The following CPVL variants were observed in gnomAD, a reference collection of about 807,000 sequenced individuals.
CPVL encodes probable serine carboxypeptidase CPVL.
A neutral mutation model predicts 63.7 loss-of-function variants in CPVL; 51 were observed. That is an observed-to-expected ratio of 0.80 (90% confidence interval 0.64 to 1.01). The LOEUF is 1.01. CPVL is among the 50% of genes least tolerant of loss of function. The pLI, the probability that CPVL is intolerant of heterozygous loss-of-function variation, is 0.00. For synonymous variants in CPVL, 195 were observed against 206.0 expected (o/e 0.95, Z 0.46); for missense variants, 530 against 573.1 (o/e 0.92, Z 0.77).
At chr7:29,106,680 A>G (rs566064788) in intron 3 of CPVL, among the ~76,000 whole-genome samples, 1 of 152,300 alleles carries the variant, frequency 6.6e-6, no homozygotes, top group East Asian at 1.9e-4. Flanking sequence ...GAGGCAAAAA[A>G]AAACAAAAAT....
At chr7:28,996,491 G>A (rs2128119908) in intron 12 of CPVL, among the ~76,000 whole-genome samples, 1 of 147,508 alleles carries the variant, frequency 6.8e-6, no homozygotes, top group East Asian at 2.0e-4. Flanking sequence ...CACATGCACT[G>A]CACTCCAGCC....
intron 5 of CPVL, among the ~76,000 whole-genome samples, chr7:29,175,423 G>T (rs184482212): frequency 6.6e-6 from 1 of 152,122 alleles, no homozygotes; most frequent in Admixed American, 6.5e-5. Context: ...TTTTCTGCCC[G>T]CCTCGGCCTC....
intron 7 of CPVL, among the ~76,000 whole-genome samples, chr7:29,081,115 G>A (rs1211701820): frequency 6.6e-6 from 1 of 152,212 alleles, no homozygotes; most frequent in Non-Finnish European, 1.5e-5. Context: ...CGTGAGGGCT[G>A]TTTTGCTTTA....
chr7:29,100,371 G>A (rs1043798024), intron 3 of CPVL, among the ~76,000 whole-genome samples: 1 of 152,164 alleles, frequency 6.6e-6, no homozygotes, highest in African/African-American at 2.4e-5. Context: ...TGGTCTGTGG[G>A]GAGGAGGCCT....
Position 28,996,455 on chromosome 7 carries a change from G to A in CPVL, c.1321-573C>T, listed in dbSNP as rs190162519. 4.1e-4 allele frequency among the ~76,000 whole-genome samples: 62 copies of A among 151,242 alleles called. No homozygotes were observed. The East Asian group carries it at 0.012, about 29-fold the overall frequency. The stretch of plus-strand genomic sequence containing the variant: ...GAAGATGACCTGAACCCAGGAGTTG[G>A]AGTCTGCAGTGAGCTAGGATCATGC... On this transcript the variant is annotated intron_variant, in intron 12 of 12. Transcript: ENST00000265394.
chr7:29,115,379 A>G (rs185153155), intron 2 of CPVL, among the ~76,000 whole-genome samples: 1 of 152,276 alleles, frequency 6.6e-6, no homozygotes, highest in Non-Finnish European at 1.5e-5. Context: ...CCATCAGAAA[A>G]AAAGCCAGAG....
chr7:29,001,138 A>G (rs1289360437), intron 12 of CPVL: 7 of 152,178 alleles, frequency 4.6e-5, no homozygotes, highest in Non-Finnish European at 8.8e-5. Context: ...AAAATCAGTG[A>G]TTAATCCGAT....
At chr7:29,015,092 T>TAA (rs1286799502) in intron 12 of CPVL, among the ~76,000 whole-genome samples, 1 of 152,248 alleles carries the variant, frequency 6.6e-6, no homozygotes, top group Non-Finnish European at 1.5e-5. Flanking sequence ...AAAGTTAATG[T>TAA]GAGTTTTAGA....
intron 10 of CPVL, 74 bp from the exon 11 acceptor site, chr7:29,064,308 A>G: frequency 1.1e-6 from 1 of 871,650 alleles, no homozygotes. Flanking sequence ...AAAAGCTGTG[A>G]ATTTCTCATA....
upstream of CPVL, among the ~76,000 whole-genome samples, chr7:29,150,366 G>T (rs551552995): frequency 6.6e-6 from 1 of 152,160 alleles, no homozygotes; most frequent in African/African-American, 2.4e-5. Flanking sequence ...TCAAAAAATG[G>T]CAGCTGTAAC....
chr7:29,095,807 C>A (rs1786347775), intron 4 of CPVL, among the ~76,000 whole-genome samples: 2 of 152,102 alleles, frequency 1.3e-5, no homozygotes, highest in African/African-American at 4.8e-5. Context: ...AGAGCTGTCC[C>A]AAATAGTAAT....
intron 12 of CPVL, chr7:29,011,611 T>A (rs1316704947): frequency 6.6e-6 from 1 of 152,160 alleles, no homozygotes; most frequent in Non-Finnish European, 1.5e-5. Context: ...AGAGTGCATA[T>A]GCATCCACAC....
chr7:29,163,670 C>T (rs1795505869), intron 5 of CPVL, among the ~76,000 whole-genome samples: 1 of 152,166 alleles, frequency 6.6e-6, no homozygotes, highest in South Asian at 2.1e-4. Context: ...AACAAACATT[C>T]TCATTGCCCC....
At chr7:29,158,528 G>A (rs1794741127) in intron 5 of CPVL, among the ~76,000 whole-genome samples, 1 of 36,714 alleles carries the variant, frequency 2.7e-5, no homozygotes, top group African/African-American at 1.0e-4. Context: ...TAGTCTTTAT[G>A]TGATAATATT....
intron 1 of CPVL, among the ~76,000 whole-genome samples, chr7:29,135,944 G>A (rs1352820724): frequency 6.6e-6 from 1 of 151,856 alleles, no homozygotes; most frequent in Non-Finnish European, 1.5e-5. Context: ...TTGTTTGTTT[G>A]TTTCTCATAT....
intron 2 of CPVL, among the ~76,000 whole-genome samples, chr7:29,115,319 C>A (rs1352687415): frequency 4.6e-5 from 7 of 152,148 alleles, no homozygotes; most frequent in Admixed American, 4.6e-4. Flanking sequence ...TTGCTTAATG[C>A]AACCTCTGTT....
At chr7:29,031,739 A>C (rs1261520529) in intron 11 of CPVL, among the ~76,000 whole-genome samples, 1 of 152,182 alleles carries the variant, frequency 6.6e-6, no homozygotes, top group Non-Finnish European at 1.5e-5. Context: ...GAAGTCCTAT[A>C]ATTGAGTAGG....
chr7:29,159,761 T>A (rs1794926869), intron 5 of CPVL, among the ~76,000 whole-genome samples: 2 of 152,190 alleles, frequency 1.3e-5, no homozygotes, highest in South Asian at 4.1e-4. Flanking sequence ...TCAAAGCACC[T>A]ATCACCTGCT....
chr7:29,056,649 A>G (rs926543582), intron 11 of CPVL, among the ~76,000 whole-genome samples: 2 of 152,316 alleles, frequency 1.3e-5, no homozygotes, highest in East Asian at 3.9e-4. Flanking sequence ...AGCCCTGTAC[A>G]GATTTTTGTG....
Sources: allele counts gnomAD v4.1 joint callset (sites outside exome capture counted in the v4.1 genomes callset), GRCh38; gene constraint gnomAD v4.1.1; transcripts MANE v1.5; gene names NCBI Gene and HGNC (gene_info 2026-07-23, HGNC 2026-07-21).